Variants in ASIC2 observed in about 807,000 individuals in gnomAD.
ASIC2 encodes the protein acid sensing ion channel subunit 2.
ASIC2 carries 25 observed loss-of-function variants against 57.3 expected under a neutral mutation model. That is an observed-to-expected ratio of 0.44 (90% CI 0.32 to 0.61). The LOEUF (loss-of-function observed/expected upper bound fraction) is 0.61, where lower values mean the gene tolerates loss of function less well. Among genes scored for constraint, ASIC2 ranks in the 20% least tolerant of loss-of-function variants. ASIC2 has a pLI of 0.06. For missense variants in ASIC2, 641 were observed against 738.1 expected (o/e 0.87, Z 1.52); for synonymous variants, 319 against 307.5 (o/e 1.04, Z -0.39).
At chr17:34,077,969 T>C (rs1909734017) in intron 1 of ASIC2, among the ~76,000 whole-genome samples, 1 of 152,110 alleles carries the variant, frequency 6.6e-6, no homozygotes, top group Non-Finnish European at 1.5e-5. Flanking sequence ...GGGTTAAAGT[T>C]ATAGAGGGCC....
chr17:34,038,840 C>T (rs1409972302), intron 1 of ASIC2: 40 of 1,612,154 alleles, frequency 2.5e-5, no homozygotes, highest in South Asian at 9.9e-5. Context: ...AGGAGGTTTC[C>T]GCTTTGCTAA....
At chr17:33,390,766 A>G (rs1361034437) in intron 1 of ASIC2, among the ~76,000 whole-genome samples, 1 of 152,238 alleles carries the variant, frequency 6.6e-6, no homozygotes, top group Non-Finnish European at 1.5e-5. Context: ...ACGGGACATC[A>G]TGCAAGACGA....
At chr17:33,025,407 G>A (rs2091854640) in intron 5 of ASIC2, among the ~76,000 whole-genome samples, 1 of 152,096 alleles carries the variant, frequency 6.6e-6, no homozygotes, top group South Asian at 2.1e-4. Context: ...CCATTTGCAT[G>A]CATGGAATGC....
chr17:33,214,622 C>G (rs1441448322), intron 1 of ASIC2, among the ~76,000 whole-genome samples: 2 of 152,164 alleles, frequency 1.3e-5, no homozygotes, highest in East Asian at 3.8e-4. Flanking sequence ...ACTTGGAGAT[C>G]TTGTTGAAAT....
chr17:33,786,677 C>A (rs549547608), intron 1 of ASIC2, among the ~76,000 whole-genome samples: 1 of 152,142 alleles, frequency 6.6e-6, no homozygotes, highest in Admixed American at 6.5e-5. Context: ...ATTCATGAGA[C>A]TCCTGGCCCC....
chr17:33,327,484 G>A (rs149160641), intron 1 of ASIC2, among the ~76,000 whole-genome samples: 20 of 152,174 alleles, frequency 1.3e-4, no homozygotes, highest in African/African-American at 3.9e-4. Flanking sequence ...TATATTATTC[G>A]TTTGTTTGAT....
chr17:34,049,904 TTC>T (rs772401022), intron 1 of ASIC2, among the ~76,000 whole-genome samples: 4 of 152,298 alleles, frequency 2.6e-5, no homozygotes, highest in Middle Eastern at 6.8e-3. Context: ...CATATTGAAA[TTC>T]TCTGTTTACC....
intron 3 of ASIC2, among the ~76,000 whole-genome samples, chr17:33,088,073 G>A (rs776589062): frequency 2.6e-5 from 4 of 152,094 alleles, no homozygotes; most frequent in Non-Finnish European, 5.9e-5. Context: ...CACTGACTTA[G>A]CTATGCCTAA....
chr17:33,211,038 G>T (rs1907249120), intron 1 of ASIC2, among the ~76,000 whole-genome samples: 1 of 152,206 alleles, frequency 6.6e-6, no homozygotes, highest in East Asian at 1.9e-4. Flanking sequence ...TGCCCTGTCA[G>T]GTACAGAGAA....
chr17:34,110,235 C>T lies in ASIC2; in HGVS notation c.555+45743G>A, dbSNP rs188145292. ...AGGGTGGGCTTATGGGCTGAACAAA[C>T]AAACGTGGGCATCAAGTCAGCCCCA... is the stretch of plus-strand genomic sequence containing the variant. On this transcript the variant is annotated intron_variant, in intron 1 of 9. Transcript: ENST00000359872. 5.3e-5 allele frequency among the ~76,000 whole-genome samples: 8 copies of T among 152,306 alleles called. No homozygotes were observed. In the East Asian group the frequency reaches 1.5e-3, roughly 29 times the overall value.
At chr17:33,112,126 A>G (rs994502709) in intron 1 of ASIC2, 59 bp from the exon 2 acceptor site, 3 of 1,522,784 alleles carry the variant, frequency 2.0e-6, no homozygotes, top group Non-Finnish European at 1.8e-6. Flanking sequence ...ACGGGGGTCC[A>G]GAGATTGGCG....
At chr17:34,122,498 TAG>T (rs1364858286) in intron 1 of ASIC2, among the ~76,000 whole-genome samples, 2 of 152,246 alleles carry the variant, frequency 1.3e-5, no homozygotes, top group Admixed American at 6.5e-5. Context: ...GTTTCTCATC[TAG>T]AGAGAGCGAG....
chr17:33,882,502 A>G (rs1452225335), intron 1 of ASIC2, among the ~76,000 whole-genome samples: 2 of 152,266 alleles, frequency 1.3e-5, no homozygotes, highest in African/African-American at 4.8e-5. Flanking sequence ...CAACAGACAC[A>G]TGAAAAAATG....
chr17:33,119,701 T>C (rs2141995450), intron 1 of ASIC2, among the ~76,000 whole-genome samples: 1 of 152,372 alleles, frequency 6.6e-6, no homozygotes, highest in South Asian at 2.1e-4. Flanking sequence ...AAGTGCTGCA[T>C]GGCTGTGCTT....
At chr17:33,969,242 C>T (rs1047518195) in intron 1 of ASIC2, among the ~76,000 whole-genome samples, 1 of 152,304 alleles carries the variant, frequency 6.6e-6, no homozygotes, top group African/African-American at 2.4e-5. Flanking sequence ...ATGTTTATCT[C>T]AGAGCCTCAG....
At chr17:33,233,853 A>T (rs1474223089) in intron 1 of ASIC2, among the ~76,000 whole-genome samples, 1 of 152,220 alleles carries the variant, frequency 6.6e-6, no homozygotes, top group African/African-American at 2.4e-5. Flanking sequence ...GCAGATTGTC[A>T]AGAGAAACCT....
intron 1 of ASIC2, among the ~76,000 whole-genome samples, chr17:33,206,247 T>A (rs760506775): frequency 6.6e-6 from 1 of 152,048 alleles, no homozygotes; most frequent in Non-Finnish European, 1.5e-5. Flanking sequence ...ACCCATTTGG[T>A]GATGAGGTCG....
In ASIC2 at chr17:33,391,132, G is replaced by T. The variant is rs563565645; in HGVS notation, c.556-279065C>A. ...TGCTCAGAATATGAGAGCTGAAATG[G>T]ACTTTAGAAGTTATCTTGTCCACTA... On this transcript the variant is annotated intron_variant, in intron 1 of 9. Coordinates refer to the ASIC2 transcript ENST00000359872. 8.5e-5 allele frequency among the ~76,000 whole-genome samples: 13 copies of T among 152,296 alleles called. No homozygotes were observed. The South Asian group carries it at 2.7e-3, about 32-fold the overall frequency.
At chr17:33,696,776 G>C (rs763821491) in intron 1 of ASIC2, among the ~76,000 whole-genome samples, 7 of 152,150 alleles carry the variant, frequency 4.6e-5, no homozygotes, top group Non-Finnish European at 1.0e-4. Context: ...ATTGTATACT[G>C]TATTCTTACA....
Sources: gnomAD v4.1 joint callset for allele counts (sites outside exome capture counted in the v4.1 genomes callset) on GRCh38, gnomAD v4.1.1 for gene constraint, MANE v1.5 for transcripts, NCBI Gene and HGNC (gene_info 2026-07-23, HGNC 2026-07-21) for gene names.